The following ANKRD35 variants were observed in gnomAD, a reference collection of about 807,000 sequenced individuals.
ANKRD35 encodes ankyrin repeat domain-containing protein 35.
In ANKRD35, 102 loss-of-function variants were observed where a neutral mutation model predicts 109.9. The ratio of observed to expected loss-of-function variants is 0.93; its 90% confidence interval spans 0.79 to 1.09. ANKRD35 has a LOEUF of 1.09. Ranked by LOEUF, ANKRD35 falls within the 50% of genes least tolerant of loss-of-function variation. The probability of loss-of-function intolerance (pLI) is 0.00; values close to 1 mark genes in which losing one functional copy is unlikely to be tolerated. For synonymous variants in ANKRD35, 515 were observed against 512.4 expected (o/e 1.01, Z -0.07); for missense variants, 1,240 against 1,230.1 (o/e 1.01, Z -0.12).
intron 1 of ANKRD35, among the ~76,000 whole-genome samples, chr1:145,883,999 G>C (rs1201580227): frequency 3.3e-5 from 5 of 152,152 alleles, no homozygotes; most frequent in Admixed American, 2.0e-4. Context: ...CCTCTGTACA[G>C]CTAGAATCAA....
chr1:145,871,909 G>A, intron 10 of ANKRD35, 73 bp downstream of exon 10: 1 of 1,565,924 alleles, frequency 6.4e-7, no homozygotes, highest in Non-Finnish European at 8.6e-7. Context: ...AAGGTTGCTG[G>A]ATTCAGGTTA....
Position 145,878,497 on chromosome 1 carries a change from G to A in ANKRD35, c.171-18C>T, listed in dbSNP as rs143671400. On this transcript the variant is annotated intron_variant, in intron 2 of 13. Transcript: ENST00000355594. ...GATGAAACCTGCCAGAATCAAGGCC[G>A]AGAGGCCAAAGGATAAAGGGACCAG... The A allele has an allele frequency of 4.0e-5, 63 of 1,557,390 alleles. No homozygotes were observed. In the African/African-American group the frequency reaches 4.1e-4, roughly 10 times the overall value.
rs587741899 is a variant in ANKRD35 at position 145,885,650 on chromosome 1, G to GGGACTA, written c.39+64_39+69dup. On this transcript the variant is annotated intron_variant, in intron 1 of 13. Transcript: ENST00000355594. ...AGAAAAGGCGATGATGCATTGAGAC[G>GGGACTA]GGACTAAAGACTTCTGTCACCACAG... The GGGACTA allele has an allele frequency of 6.5e-5, 99 of 1,521,138 alleles. No individual in the cohort carries two copies. The African/African-American group carries it at 1.2e-3, about 18-fold the overall frequency. 94.2% of individuals were successfully genotyped at this position (1,521,138 alleles called of 1,614,324 possible). A position where few individuals can be genotyped will look rare whatever the true frequency, so the allele number is the denominator to read the frequency against.
rs587769690 is a variant in ANKRD35, at chr1:145,869,281, A to C, written c.2788-881T>G. Among the ~76,000 whole-genome samples the C allele has an allele frequency of 1.1e-4, 16 of 152,066 alleles. 1 individual carries two copies. The South Asian group carries it at 3.1e-3, about 30-fold the overall frequency. On this transcript the variant is annotated intron_variant, in intron 10 of 13. Transcript: ENST00000355594. ...CACTGCAACATCTGCCTCCAGGTTC[A>C]AGTGATTCTCCTGCCTCAGCCTCCC...
chr1:145,876,624 G>A lies in ANKRD35; in HGVS notation c.398C>T (p.Ala133Val), dbSNP rs1057327106. ...PLHWAASSGC[A>V]SSVLLLCDHE... Reference sequence around the variant, plus strand: ...GTCACACAGCAGGAGCACACTTGAGGCACAGCCAGAGGAGGCTGGGGAGAA... The same window carrying A: ...GTCACACAGCAGGAGCACACTTGAGACACAGCCAGAGGAGGCTGGGGAGAA... Residue 133 changes from alanine (A) to valine (V), a missense_variant, in exon 6 of 14, where the codon GCC becomes GTC. Transcript: ENST00000355594. 6.2e-7 allele frequency: 1 copy of A among 1,614,044 alleles called. No homozygotes were observed. Among genetic ancestry groups the A allele is most frequent in the African/African-American group, 1.3e-5 (1 of 74,910 alleles).
chr1:145,875,111 G>A, intron 7 of ANKRD35, 105 bp from the exon 8 acceptor site: 1 of 1,143,536 alleles, frequency 8.7e-7, no homozygotes, highest in Non-Finnish European at 1.2e-6. Context: ...GTGGGGTCAG[G>A]AGAACAACAG....
At position 145,872,403 on chromosome 1, in the gene ANKRD35, A is replaced by G. The variant is rs1328460581; in HGVS notation, c.2366T>C (p.Leu789Pro). Residue 789 changes from leucine to proline, a missense_variant, in exon 10 of 14, where the codon CTG becomes CCG. Physicochemically the swap from Leu to Pro is moderately conservative, Grantham distance 98. Coordinates refer to ENST00000355594, the MANE Select transcript of ANKRD35 (RefSeq NM_144698.5). ...CTGAACTGCCCGCAGCTCTTCCTCCAGCTTCCCCAGGTCTTGCTCCAGAGC... is the reference window on the plus strand; with the variant it reads ...CTGAACTGCCCGCAGCTCTTCCTCCGGCTTCCCCAGGTCTTGCTCCAGAGC... ...VAALEQDLGK[L>P]EEELRAVQAT... The G allele has an allele frequency of 6.2e-6, 10 of 1,612,866 alleles. No individual in the cohort carries two copies. The highest frequency in any genetic ancestry group is 8.5e-6 in the Non-Finnish European group (10 of 1,179,720).
intron 8 of ANKRD35, 99 bp downstream of exon 8, chr1:145,874,723 C>A: frequency 7.3e-7 from 1 of 1,362,392 alleles, no homozygotes; most frequent in Non-Finnish European, 9.7e-7. Flanking sequence ...ACCCAGGTGA[C>A]AATTATTTGT....
intron 11 of ANKRD35, 52 bp downstream of exon 11, chr1:145,868,259 C>A: frequency 1.3e-6 from 2 of 1,575,206 alleles, no homozygotes; most frequent in Non-Finnish European, 1.7e-6. Flanking sequence ...ATATACATCA[C>A]TTCCACTGCT....
intron 3 of ANKRD35, 92 bp downstream of exon 3, chr1:145,878,299 G>A: frequency 7.6e-7 from 1 of 1,322,006 alleles, no homozygotes; most frequent in South Asian, 1.3e-5. Context: ...AGGGGCCACA[G>A]TAGGAATGTC....
In ANKRD35 at chr1:145,867,351, G is replaced by A. The variant is rs782005022; in HGVS notation, c.2985C>T (p.Ile995=). 9 of 1,613,812 alleles carry A rather than the reference G, an allele frequency of 5.6e-6. No individual in the cohort carries two copies. Among genetic ancestry groups the A allele is most frequent in the African/African-American group, 1.3e-5 (1 of 74,854 alleles). The change falls in exon 13 of 14, where the codon ATC becomes ATT. Residue 995 remains isoleucine (I), a synonymous_variant. Coordinates refer to ENST00000355594, the MANE Select transcript of ANKRD35 (RefSeq NM_144698.5). ...EHEVYNILLQ[I]LSMEEE ...TGCCTCACTCCTCTTCCATGCTAAG[G>A]ATTTGCAGCAGGATATTGTACACTT... is the stretch of plus-strand genomic sequence containing the variant.
chr1:145,881,922 G>A (rs1299396089), intron 1 of ANKRD35, among the ~76,000 whole-genome samples: 2 of 149,414 alleles, frequency 1.3e-5, no homozygotes, highest in Non-Finnish European at 3.0e-5. Context: ...ATGCTTCTTA[G>A]CAATATAGAT....
intron 1 of ANKRD35, among the ~76,000 whole-genome samples, chr1:145,884,883 G>A (rs1473893116): frequency 2.0e-5 from 3 of 152,206 alleles, no homozygotes; most frequent in Non-Finnish European, 1.5e-5. Context: ...TGAACTGGCT[G>A]GGGTGGACTC....
chr1:145,873,492 C>G lies in ANKRD35; in HGVS notation c.1277G>C (p.Gly426Ala), dbSNP rs1553739378. 6.2e-7 allele frequency: 1 copy of G among 1,613,972 alleles called. No individual in the cohort carries two copies. Residue 426 changes from glycine (G) to alanine (A), a missense_variant, in exon 10 of 14, where the codon GGG (glycine) becomes GCG (alanine). Transcript: ENST00000355594. The part of the protein sequence containing the change: ...VHGRSQPEEQ[G>A]PPQSPASETI... The stretch of plus-strand genomic sequence containing the variant: ...CTCAGACGCTGGGCTCTGGGGTGGC[C>G]CCTGTTCTTCTGGTTGGGACCTTCC...
At chr1:145,885,110 T>C (rs1654429113) in intron 1 of ANKRD35, among the ~76,000 whole-genome samples, 1 of 152,014 alleles carries the variant, frequency 6.6e-6, no homozygotes, top group African/African-American at 2.4e-5. Flanking sequence ...TTTGGAGTGA[T>C]GTTTGAGGAA....
rs782039934 is a variant in ANKRD35 at position 145,874,957 on chromosome 1, G to T, written c.610C>A (p.Leu204Met). The T allele has an allele frequency of 6.2e-7, 1 of 1,612,904 alleles. No individual in the cohort carries two copies. The highest frequency in any genetic ancestry group is 1.7e-5 in the Admixed American group (1 of 59,776). ...CEKGSAEVAE[L>M]LLSHGADAGA... ...GCGTCAGCTCCGTGGCTCAGGAGCA[G>T]TTCAGCCACCTCGGCACTGCCTTTC... is the stretch of plus-strand genomic sequence containing the variant. Residue 204 changes from leucine (L) to methionine (M), a missense_variant, in exon 8 of 14, where the codon CTG (leucine) becomes ATG (methionine). By Grantham distance (15) the Leu-to-Met change is conservative (BLOSUM62 2). Transcript: ENST00000355594.
At chr1:145,870,245 C>T (rs1330859418) in intron 10 of ANKRD35, among the ~76,000 whole-genome samples, 4 of 151,868 alleles carry the variant, frequency 2.6e-5, no homozygotes, top group Non-Finnish European at 5.9e-5. Context: ...GCGCCCACCA[C>T]CACGCCCGGA....
chr1:145,879,365 A>G lies in ANKRD35; in HGVS notation c.63T>C (p.Asp21=). The G allele has an allele frequency of 6.3e-7, 1 of 1,594,174 alleles. No individual in the cohort carries two copies. Among genetic ancestry groups the G allele is most frequent in the Non-Finnish European group, 8.5e-7 (1 of 1,170,258 alleles). Residue 21 remains aspartate (D), a synonymous_variant, in exon 2 of 14, where the codon GAT becomes GAC. Transcript: ENST00000355594. ...QVAVERWNRH[D]QKLLEAVHRG... ...TGTGCACTGCCTCCAGCAGCTTCTG[A>G]TCATGGCGGTTCCATCTCTCCACCT...
intron 10 of ANKRD35, among the ~76,000 whole-genome samples, chr1:145,871,097 A>G (rs1653791549): frequency 6.8e-6 from 1 of 146,088 alleles, no homozygotes; most frequent in Non-Finnish European, 1.5e-5. Flanking sequence ...AAACTCTGGT[A>G]TCTAATAGTG....
Sources: gnomAD v4.1 joint callset for allele counts (sites outside exome capture counted in the v4.1 genomes callset) on GRCh38, gnomAD v4.1.1 for gene constraint, MANE v1.5 for transcripts, NCBI Gene and HGNC (gene_info 2026-07-23, HGNC 2026-07-21) for gene names.